C3orf33: variants seen among roughly 807,000 people sequenced by gnomAD.
C3orf33 encodes mitochondrial inner membrane subdomain organizer 1, also known as AP-1 activity suppressor.
Under a neutral mutation model 28.7 loss-of-function variants are expected in C3orf33, and 23 were observed. The ratio of observed to expected loss-of-function variants is 0.80; its 90% CI spans 0.58 to 1.13. The LOEUF (loss-of-function observed/expected upper bound fraction) is 1.13, where lower values mean the gene tolerates loss of function less well. C3orf33 is among the 50% of genes most tolerant of loss of function. C3orf33 has a pLI of 0.00. For synonymous variants in C3orf33, 119 were observed against 120.5 expected, an observed-to-expected ratio of 0.99 and a Z score of 0.08; for missense variants, 327 against 353.4, an observed-to-expected ratio of 0.93 and a Z score of 0.60.
At chr3:155,781,147 G>A (rs1295687270) in intron 2 of C3orf33, among the ~76,000 whole-genome samples, 3 of 151,676 alleles carry the variant, frequency 2.0e-5, no homozygotes, top group Admixed American at 6.6e-5. Flanking sequence ...ACAGGCGTCC[G>A]CCACCGCGCC....
At chr3:155,796,045 T>C (rs981319566) in intron 2 of C3orf33, among the ~76,000 whole-genome samples, 2 of 151,972 alleles carry the variant, frequency 1.3e-5, no homozygotes, top group Admixed American at 6.6e-5. Flanking sequence ...TTTATAGCTA[T>C]AAGCACCTAC....
intron 3 of C3orf33, among the ~76,000 whole-genome samples, chr3:155,771,599 G>A (rs982250793): frequency 1.3e-5 from 2 of 152,132 alleles, no homozygotes; most frequent in South Asian, 2.1e-4. Flanking sequence ...GTTTCACAAT[G>A]TTGCCAGGGC....
At chr3:155,783,467 A>ATTT (rs57517417) in intron 2 of C3orf33, among the ~76,000 whole-genome samples, 47,188 of 133,842 alleles carry the variant, frequency 0.35, 9,722 homozygotes, top group Middle Eastern at 0.47. Context: ...CCTGTACTAC[A>ATTT]TTTTTTTTTT....
intron 2 of C3orf33, among the ~76,000 whole-genome samples, chr3:155,789,344 C>CAA (rs57871976): frequency 0.38 from 42,757 of 111,538 alleles, 7,743 homozygotes; most frequent in Non-Finnish European, 0.45. Flanking sequence ...GACTCTGTCT[C>CAA]AAAAAAAAAA....
intron 2 of C3orf33, among the ~76,000 whole-genome samples, chr3:155,794,317 T>A (rs1577434682): frequency 6.6e-6 from 1 of 152,166 alleles, no homozygotes; most frequent in East Asian, 1.9e-4. Context: ...TTGTCATCGG[T>A]TTAAAATAAC....
chr3:155,782,687 G>A (rs554346130), intron 2 of C3orf33, among the ~76,000 whole-genome samples: 96 of 152,188 alleles, frequency 6.3e-4, no homozygotes, highest in African/African-American at 2.1e-3. Context: ...AGACATTTCC[G>A]GATAAATACA....
chr3:155,781,013 C>T (rs1750903643), intron 2 of C3orf33, among the ~76,000 whole-genome samples: 1 of 142,160 alleles, frequency 7.0e-6, no homozygotes, highest in African/African-American at 3.0e-5. Context: ...TTTTTTGAGA[C>T]GGAGTCTCGC....
intron 2 of C3orf33, among the ~76,000 whole-genome samples, chr3:155,783,554 C>T (rs1260171491): frequency 6.7e-6 from 1 of 149,466 alleles, no homozygotes; most frequent in Admixed American, 6.8e-5. Context: ...GAAATTTCTG[C>T]TTCCCAGGTT....
Position 155,767,634 on chromosome 3 carries a change from C to T in C3orf33, c.358G>A (p.Gly120Arg). The change falls in exon 4 of 5, where the codon GGA (glycine) becomes AGA (arginine). Residue 120 changes from glycine to arginine, a missense_variant. Transcript: ENST00000340171. ...PRGALLVKLA[G>R]VELAETGKAW... ...TTCCCAGTTTCAGCGAGTTCTACTC[C>T]AGCCAACTTAACCAGCAAAGCACCA... 1 of 1,577,924 alleles carries T rather than the reference C, an allele frequency of 6.3e-7. No homozygotes were observed. Among genetic ancestry groups the T allele is most frequent in the Admixed American group, 1.7e-5 (1 of 57,574 alleles).
intron 2 of C3orf33, among the ~76,000 whole-genome samples, chr3:155,800,249 T>A (rs573092937): frequency 6.6e-6 from 1 of 152,090 alleles, no homozygotes; most frequent in Admixed American, 6.6e-5. Context: ...ATAGACAAAT[T>A]GGACTTCATA....
chr3:155,764,549 T>C (rs1313396639), intron 4 of C3orf33, among the ~76,000 whole-genome samples: 1 of 151,966 alleles, frequency 6.6e-6, no homozygotes, highest in East Asian at 1.9e-4. Flanking sequence ...TTTTCATTAA[T>C]TTACGGTATA....
intron 2 of C3orf33, among the ~76,000 whole-genome samples, chr3:155,793,202 A>G (rs759622319): frequency 8.5e-5 from 11 of 129,318 alleles, no homozygotes; most frequent in Middle Eastern, 4.1e-3. Flanking sequence ...AAGAAAATAT[A>G]TATGTGGCAA....
intron 2 of C3orf33, among the ~76,000 whole-genome samples, chr3:155,792,646 A>G (rs1403790009): frequency 1.3e-5 from 2 of 152,174 alleles, no homozygotes; most frequent in East Asian, 3.9e-4. Context: ...GAAACAGTTA[A>G]AAAGAATCAA....
At chr3:155,805,158 TAAAAAAA>T (rs57906262) in intron 1 of C3orf33, among the ~76,000 whole-genome samples, 1,955 of 141,700 alleles carry the variant, frequency 0.014, 43 homozygotes, top group African/African-American at 0.046. Flanking sequence ...GTGCTTCACT[TAAAAAAA>T]AAAAAAAAAA....
chr3:155,771,995 G>A (rs1345851077), intron 3 of C3orf33, among the ~76,000 whole-genome samples: 2 of 152,030 alleles, frequency 1.3e-5, no homozygotes, highest in African/African-American at 2.4e-5. Flanking sequence ...CTTAAACCCA[G>A]AAGTTCAAGA....
intron 2 of C3orf33, among the ~76,000 whole-genome samples, chr3:155,780,466 C>A (rs908466719): frequency 2.0e-5 from 3 of 152,178 alleles, no homozygotes; most frequent in Non-Finnish European, 4.4e-5. Flanking sequence ...TTATTATAAG[C>A]ATTAAATGAA....
chr3:155,788,107 C>T (rs1434994888), intron 2 of C3orf33, among the ~76,000 whole-genome samples: 5 of 151,602 alleles, frequency 3.3e-5, no homozygotes, highest in Non-Finnish European at 7.4e-5. Context: ...AGGAGAATGG[C>T]GTGAACCTGG....
intron 2 of C3orf33, among the ~76,000 whole-genome samples, chr3:155,783,977 G>A (rs1321015080): frequency 6.6e-6 from 1 of 151,446 alleles, no homozygotes; most frequent in Non-Finnish European, 1.5e-5. Context: ...TGTTGCCCAG[G>A]CTGGAGTGCA....
intron 2 of C3orf33, among the ~76,000 whole-genome samples, chr3:155,778,710 A>G (rs987925172): frequency 6.6e-6 from 1 of 152,224 alleles, no homozygotes; most frequent in Non-Finnish European, 1.5e-5. Flanking sequence ...TGGGAAAAAC[A>G]GAGAAATACA....
Sources: gnomAD v4.1 joint callset for allele counts (sites outside exome capture counted in the v4.1 genomes callset) on GRCh38, gnomAD v4.1.1 for gene constraint, MANE v1.5 for transcripts, NCBI Gene and HGNC (gene_info 2026-07-23, HGNC 2026-07-21) for gene names.